Variants in PALM2AKAP2 observed in about 807,000 individuals in gnomAD.
PALM2AKAP2 encodes PALM2 and AKAP2 fusion.
PALM2AKAP2 carries 37 observed loss-of-function variants against 71.5 expected under a neutral mutation model. That is an observed-to-expected ratio of 0.52 (90% confidence interval 0.40 to 0.68). The LOEUF (loss-of-function observed/expected upper bound fraction) is 0.68, where lower values mean the gene tolerates loss of function less well. Among genes scored for constraint, PALM2AKAP2 ranks in the 30% least tolerant of loss-of-function variants. The pLI is 0.00. For synonymous variants in PALM2AKAP2, 468 were observed against 478.8 expected, an observed-to-expected ratio of 0.98 and a Z score of 0.29; for missense variants, 1,224 against 1,191.8, an observed-to-expected ratio of 1.03 and a Z score of -0.40.
chr9:109,893,091 C>T (rs1407131304), intron 3 of PALM2AKAP2, among the ~76,000 whole-genome samples: 1 of 152,110 alleles, frequency 6.6e-6, no homozygotes, highest in African/African-American at 2.4e-5. Flanking sequence ...GGGTACACCT[C>T]ACCTTTGCAG....
intron 1 of PALM2AKAP2, among the ~76,000 whole-genome samples, chr9:109,652,129 T>G (rs1827234300): frequency 6.6e-6 from 1 of 152,162 alleles, no homozygotes; most frequent in African/African-American, 2.4e-5. Context: ...GTTTCACAAG[T>G]TCTGAATAAA....
At chr9:110,038,836 G>A (rs1036637671) in intron 7 of PALM2AKAP2, among the ~76,000 whole-genome samples, 5 of 145,892 alleles carry the variant, frequency 3.4e-5, no homozygotes, top group African/African-American at 1.3e-4. Context: ...AGCTACTTGG[G>A]AGGCTGAGGC....
At chr9:109,658,459 C>T (rs1000496163) in intron 1 of PALM2AKAP2, among the ~76,000 whole-genome samples, 2 of 152,120 alleles carry the variant, frequency 1.3e-5, no homozygotes, top group Non-Finnish European at 1.5e-5. Flanking sequence ...GTTCATGTCT[C>T]AAGGGAATTT....
In PALM2AKAP2 at chr9:109,699,709, G is replaced by T. The variant is rs938261528; in HGVS notation, c.5+58843G>T. Among the ~76,000 whole-genome samples the T allele has an allele frequency of 6.6e-5, 10 of 152,006 alleles. No homozygotes were observed. In the East Asian group the frequency reaches 1.7e-3, roughly 26 times the overall value. On this transcript the variant is annotated intron_variant, in intron 1 of 6. Coordinates refer to the PALM2AKAP2 transcript ENST00000374531. ...ATTCAGAGGTGATTGAATAAGAAGT[G>T]ATTTTTATTTCCATTTTTTTTCCCC...
intron 1 of PALM2AKAP2, among the ~76,000 whole-genome samples, chr9:109,671,836 G>A (rs914809941): frequency 6.6e-6 from 1 of 152,012 alleles, no homozygotes; most frequent in African/African-American, 2.4e-5. Flanking sequence ...TGTATTCCTA[G>A]GAATTTTATT....
At chr9:109,723,337 T>C (rs1286299020) in intron 1 of PALM2AKAP2, among the ~76,000 whole-genome samples, 1 of 152,196 alleles carries the variant, frequency 6.6e-6, no homozygotes, top group African/African-American at 2.4e-5. Context: ...TAGCCATACA[T>C]TGACATGTGT....
chr9:109,659,886 G>T (rs1191363151), intron 1 of PALM2AKAP2, among the ~76,000 whole-genome samples: 1 of 152,092 alleles, frequency 6.6e-6, no homozygotes, highest in Non-Finnish European at 1.5e-5. Context: ...AGTTGCCCAG[G>T]CTGGAGTGCA....
chr9:109,931,633 T>C (rs1020832172), intron 5 of PALM2AKAP2, among the ~76,000 whole-genome samples: 2 of 152,208 alleles, frequency 1.3e-5, no homozygotes, highest in Non-Finnish European at 2.9e-5. Context: ...TCTCTGAATC[T>C]TCCCCCCGTC....
chr9:110,006,961 T>C (rs1456886025), intron 6 of PALM2AKAP2, among the ~76,000 whole-genome samples: 1 of 152,194 alleles, frequency 6.6e-6, no homozygotes, highest in East Asian at 1.9e-4. Flanking sequence ...ATGATTCTAT[T>C]CCCTTTCCCT....
At chr9:109,929,370 C>T (rs965044150) in intron 5 of PALM2AKAP2, among the ~76,000 whole-genome samples, 1 of 152,052 alleles carries the variant, frequency 6.6e-6, no homozygotes, top group African/African-American at 2.4e-5. Flanking sequence ...CTCTGGTCAT[C>T]CCTTCTTTCC....
At chr9:109,737,804 A>C (rs1828659188) in intron 1 of PALM2AKAP2, among the ~76,000 whole-genome samples, 1 of 152,248 alleles carries the variant, frequency 6.6e-6, no homozygotes, top group South Asian at 2.1e-4. Flanking sequence ...CAAATTAAAG[A>C]ACTCTGTTCA....
chr9:109,992,834 G>A (rs1311337378), intron 6 of PALM2AKAP2, among the ~76,000 whole-genome samples: 1 of 151,850 alleles, frequency 6.6e-6, no homozygotes, highest in Non-Finnish European at 1.5e-5. Context: ...CCACACTTGG[G>A]AAGACCACAC....
chr9:109,956,201 C>T lies in PALM2AKAP2; in HGVS notation c.496+24173C>T, dbSNP rs191161352. Among the ~76,000 whole-genome samples, 8 of 151,986 alleles carry T rather than the reference C, an allele frequency of 5.3e-5. No homozygotes were observed. In the East Asian group the frequency reaches 1.2e-3, roughly 22 times the overall value. ...TGTATTTTTAGTAGAGATGGGGTTT[C>T]GCTATGTTGGCCAGGCTGGTCTCAA... On this transcript the variant is annotated intron_variant, in intron 6 of 9. Coordinates refer to the PALM2AKAP2 transcript ENST00000302798.
At chr9:109,923,368 G>A (rs1588011312) in intron 3 of PALM2AKAP2, among the ~76,000 whole-genome samples, 1 of 152,222 alleles carries the variant, frequency 6.6e-6, no homozygotes, top group East Asian at 1.9e-4. Context: ...CTCTGAGCCG[G>A]TCAGGAGAAT....
At chr9:110,110,144 T>G (rs1835213379) in intron 1 of PALM2AKAP2, among the ~76,000 whole-genome samples, 1 of 152,230 alleles carries the variant, frequency 6.6e-6, no homozygotes, top group Non-Finnish European at 1.5e-5. Context: ...ATTAGCTTGA[T>G]TTAGTCATTC....
At chr9:110,121,533 A>C (rs1004169178) in intron 1 of PALM2AKAP2, among the ~76,000 whole-genome samples, 1 of 152,170 alleles carries the variant, frequency 6.6e-6, no homozygotes, top group African/African-American at 2.4e-5. Flanking sequence ...TGCACCTGCT[A>C]CTTTGCAATT....
chr9:109,645,059 T>C (rs1471369891), intron 1 of PALM2AKAP2, among the ~76,000 whole-genome samples: 1 of 152,232 alleles, frequency 6.6e-6, no homozygotes, highest in Non-Finnish European at 1.5e-5. Flanking sequence ...AACACCCAAC[T>C]CTACTGGTAC....
Position 110,089,922 on chromosome 9 carries a change from A to AAAC in PALM2AKAP2, c.156+41079_156+41081dup, listed in dbSNP as rs374475465. 4.7e-4 allele frequency among the ~76,000 whole-genome samples: 71 copies of AAAC among 152,342 alleles called. 1 individual carries two copies. The highest frequency in any genetic ancestry group is 1.4e-3 in the African/African-American group (59 of 41,576). ...TCATGACTTTAAAAGATGAAAACTA[A>AAAC]AACAACAACAACAAAAAACCACAAC... On this transcript the variant is annotated intron_variant, in intron 1 of 3. Transcript: ENST00000374525.
chr9:109,756,955 T>C lies in PALM2AKAP2; in HGVS notation c.6-23533T>C, dbSNP rs74742099. Among the ~76,000 whole-genome samples the C allele has an allele frequency of 1.4e-4, 21 of 152,300 alleles. No homozygotes were observed. The East Asian group carries it at 4.0e-3, about 29-fold the overall frequency. On this transcript the variant is annotated intron_variant, in intron 1 of 6. Transcript: ENST00000374531. The stretch of plus-strand genomic sequence containing the variant: ...AGTCTATCACCTCAAGCATTTATAG[T>C]TTCTATGTTTTGGGAACATTTCAAG...
Sources: allele counts gnomAD v4.1 joint callset (sites outside exome capture counted in the v4.1 genomes callset), GRCh38; gene constraint gnomAD v4.1.1; transcripts MANE v1.5; gene names NCBI Gene and HGNC (gene_info 2026-07-23, HGNC 2026-07-21).